The following MINDY4B variants were observed in gnomAD, a reference collection of about 807,000 sequenced individuals.
MINDY4B encodes inactive ubiquitin carboxyl-terminal hydrolase MINDY-4B.
A neutral mutation model predicts 16.7 loss-of-function variants in MINDY4B; 25 were observed. That is an observed-to-expected ratio of 1.49 (90% confidence interval 1.09 to 2.09). The LOEUF (loss-of-function observed/expected upper bound fraction) is 2.09. MINDY4B is among the 30% of genes most tolerant of loss of function. MINDY4B has a pLI of 0.00. For missense variants in MINDY4B, 327 were observed against 168.4 expected (o/e 1.94, Z -5.21); for synonymous variants, 132 against 61.9 (o/e 2.13, Z -5.32).
At chr3:150,871,867 C>A (rs1169103674) in intron 11 of MINDY4B, among the ~76,000 whole-genome samples, 1 of 152,006 alleles carries the variant, frequency 6.6e-6, no homozygotes, top group Non-Finnish European at 1.5e-5. Flanking sequence ...CAACCGACCC[C>A]ACTTCTCCAT....
At chr3:150,887,202 T>C (rs892944537) in intron 7 of MINDY4B, among the ~76,000 whole-genome samples, 1 of 152,208 alleles carries the variant, frequency 6.6e-6, no homozygotes, top group Non-Finnish European at 1.5e-5. Flanking sequence ...AGAAGGCTAC[T>C]GAGTGACTAA....
At chr3:150,902,369 A>G (rs184973807) in intron 3 of MINDY4B, among the ~76,000 whole-genome samples, 147 of 152,322 alleles carry the variant, frequency 9.7e-4, no homozygotes, top group African/African-American at 3.4e-3. Flanking sequence ...GTGGAGGTTT[A>G]GAAGATAGGG....
chr3:150,885,868 T>C (rs1246161498), intron 7 of MINDY4B, among the ~76,000 whole-genome samples: 1 of 152,184 alleles, frequency 6.6e-6, no homozygotes, highest in Non-Finnish European at 1.5e-5. Context: ...TTTGGAGTTA[T>C]ACACCTCGGT....
chr3:150,887,061 T>C (rs1326576632), intron 7 of MINDY4B, among the ~76,000 whole-genome samples: 3 of 152,200 alleles, frequency 2.0e-5, no homozygotes, highest in Admixed American at 6.5e-5. Flanking sequence ...TTAACAACAA[T>C]AATAATAGTG....
chr3:150,892,063 C>T (rs776366503), intron 5 of MINDY4B, among the ~76,000 whole-genome samples: 9 of 152,156 alleles, frequency 5.9e-5, no homozygotes, highest in East Asian at 1.9e-4. Flanking sequence ...ACTCATCCTC[C>T]AGCTACTTTG....
chr3:150,883,171 A>G (rs1043396220), intron 9 of MINDY4B, 113 bp from the exon 10 acceptor site: 18 of 577,098 alleles, frequency 3.1e-5, no homozygotes, highest in Admixed American at 1.5e-4. Flanking sequence ...ATGAAATCAC[A>G]TGATACATAT....
intron 3 of MINDY4B, among the ~76,000 whole-genome samples, chr3:150,894,743 A>G (rs1711914375): frequency 6.6e-6 from 1 of 152,214 alleles, no homozygotes; most frequent in Non-Finnish European, 1.5e-5. Context: ...CAGCACGTTG[A>G]GATTCAAGAG....
chr3:150,896,630 C>T (rs6440704), intron 3 of MINDY4B, among the ~76,000 whole-genome samples: 37,890 of 151,966 alleles, frequency 0.25, 7,301 homozygotes, highest in African/African-American at 0.51. Flanking sequence ...CTGAGAGCTG[C>T]AGTGATTGTT....
At chr3:150,889,488 G>C (rs1711710923) in intron 7 of MINDY4B, among the ~76,000 whole-genome samples, 2 of 152,168 alleles carry the variant, frequency 1.3e-5, no homozygotes, top group African/African-American at 2.4e-5. Context: ...CTATTTTAAA[G>C]TCAGCTGACT....
At chr3:150,898,260 C>T (rs1033573576) in intron 3 of MINDY4B, among the ~76,000 whole-genome samples, 32 of 152,150 alleles carry the variant, frequency 2.1e-4, no homozygotes, top group African/African-American at 7.5e-4. Context: ...AGACTGGCAG[C>T]AATAAGAGAG....
intron 2 of MINDY4B, among the ~76,000 whole-genome samples, chr3:150,904,642 A>G (rs1180610287): frequency 6.6e-6 from 1 of 152,194 alleles, no homozygotes; most frequent in Non-Finnish European, 1.5e-5. Context: ...ACCAGAATTC[A>G]GTCATCTTTC....
chr3:150,896,672 C>A (rs563924687), intron 3 of MINDY4B, among the ~76,000 whole-genome samples: 3 of 152,276 alleles, frequency 2.0e-5, no homozygotes, highest in South Asian at 2.1e-4. Flanking sequence ...ACCTAGCAAG[C>A]CTACCAGGCT....
chr3:150,894,297 C>T lies in MINDY4B; in HGVS notation c.318G>A (p.Arg106=), dbSNP rs1711901619. 2.9e-6 allele frequency: 2 copies of T among 691,766 alleles called. No individual in the cohort carries two copies. Among genetic ancestry groups the T allele is most frequent in the Non-Finnish European group, 2.6e-6 (1 of 382,214 alleles). 42.9% of individuals were successfully genotyped at this position (691,766 alleles called of 1,614,324 possible). A position where few individuals can be genotyped will look rare whatever the true frequency, so the allele number is the denominator to read the frequency against. Residue 106 remains arginine, a synonymous_variant, in exon 4 of 12, where the codon CGG becomes CGA. Coordinates refer to ENST00000465419, the MANE Select transcript of MINDY4B (RefSeq NM_001351281.2). ...PISLAMATKL[R]QILFGNTVHV... is the part of the protein sequence containing the mutation. Reference sequence around the variant, plus strand: ...GGACTGTGTTTCCAAACAGGATCTGCCGCAGCTTCTGAAAAGAGGGGAAAG... The same window carrying T: ...GGACTGTGTTTCCAAACAGGATCTGTCGCAGCTTCTGAAAAGAGGGGAAAG...
chr3:150,882,900 T>G lies in MINDY4B; in HGVS notation c.1056A>C (p.Ser352=), dbSNP rs1711544403. 1 of 701,376 alleles carries G rather than the reference T, an allele frequency of 1.4e-6. No homozygotes were observed. The highest frequency in any genetic ancestry group is 2.6e-6 in the Non-Finnish European group (1 of 384,058). 43.4% of individuals were successfully genotyped at this position (701,376 alleles called of 1,614,324 possible). ...GKDASEDDRL[S]QVGSMLKTPK... ...TTGAGGACTGGAACACACTCACCTG[T>G]GAGAGTCTGTCATCTTCCGAGGCAT... Residue 352 remains serine (S), a synonymous_variant, in exon 10 of 12, where the codon TCA becomes TCC. Transcript: ENST00000465419.
Position 150,890,875 on chromosome 3 carries a change from G to A in MINDY4B, c.687+63C>T, listed in dbSNP as rs545184746. ...GGCCCCACCTGCATACACATGGTAA[G>A]TCTATTACATGCTCAGGCTTCACTG... On this transcript the variant is annotated intron_variant, in intron 6 of 11. Coordinates refer to ENST00000465419, the MANE Select transcript of MINDY4B (RefSeq NM_001351281.2). The A allele has an allele frequency of 3.1e-4, 214 of 688,702 alleles. 4 individuals are homozygous for A. The highest frequency in any genetic ancestry group is 3.1e-3 in the South Asian group (204 of 65,710). 42.7% of individuals were successfully genotyped at this position (688,702 alleles called of 1,614,324 possible).
In MINDY4B at chr3:150,893,232, C is replaced by T. The variant is rs139783815; in HGVS notation, c.521+92G>A. ...CTGTCTTAGGAGGTAGATTTCCTTT[C>T]TGAGACAACCTGAATTTTTCAGTTA... is the stretch of plus-strand genomic sequence containing the variant. On this transcript the variant is annotated intron_variant, in intron 5 of 11. Transcript: ENST00000465419. 157 of 684,122 alleles carry T rather than the reference C, an allele frequency of 2.3e-4. 1 individual carries two copies. In the African/African-American group the frequency reaches 2.5e-3, roughly 11 times the overall value. 42.4% of individuals were successfully genotyped at this position (684,122 alleles called of 1,614,324 possible).
intron 10 of MINDY4B, among the ~76,000 whole-genome samples, chr3:150,876,421 G>A (rs1711497246): frequency 6.6e-6 from 1 of 152,184 alleles, no homozygotes; most frequent in Non-Finnish European, 1.5e-5. Context: ...GGAGAAAGGT[G>A]TTTGAAACGT....
intron 3 of MINDY4B, among the ~76,000 whole-genome samples, chr3:150,895,085 G>C (rs1711926364): frequency 6.6e-6 from 1 of 152,146 alleles, no homozygotes. Flanking sequence ...CATTTTCTAT[G>C]AACCAGGCTC....
chr3:150,878,867 T>C (rs1475103122), intron 10 of MINDY4B, among the ~76,000 whole-genome samples: 2 of 152,224 alleles, frequency 1.3e-5, no homozygotes, highest in African/African-American at 4.8e-5. Flanking sequence ...GGTAATTTTC[T>C]TTAGAGCATG....
Sources: allele counts gnomAD v4.1 joint callset (sites outside exome capture counted in the v4.1 genomes callset), GRCh38; gene constraint gnomAD v4.1.1; transcripts MANE v1.5; gene names NCBI Gene and HGNC (gene_info 2026-07-23, HGNC 2026-07-21).